The following DGKB variants were observed in gnomAD, a reference collection of about 807,000 sequenced individuals.
DGKB encodes the protein 90 kDa diacylglycerol kinase.
DGKB carries 67 observed loss-of-function variants against 114.3 expected under a neutral mutation model. That is an observed-to-expected ratio of 0.59 (90% confidence interval 0.48 to 0.72). The LOEUF (loss-of-function observed/expected upper bound fraction) is 0.72, where lower values mean the gene tolerates loss of function less well. DGKB is among the 30% of genes least tolerant of loss of function. The pLI is 0.00. For missense variants in DGKB, 907 were observed against 975.2 expected (o/e 0.93, Z 0.93); for synonymous variants, 398 against 323.1 (o/e 1.23, Z -2.49).
intron 2 of DGKB, among the ~76,000 whole-genome samples, chr7:14,761,035 T>A (rs1212709067): frequency 1.3e-5 from 2 of 152,184 alleles, no homozygotes; most frequent in Admixed American, 1.3e-4. Context: ...CTAGTTGATA[T>A]TCAGATGAAT....
chr7:14,452,781 T>G (rs1396703413), intron 21 of DGKB, among the ~76,000 whole-genome samples: 1 of 152,094 alleles, frequency 6.6e-6, no homozygotes, highest in Non-Finnish European at 1.5e-5. Flanking sequence ...TTTGGAAATT[T>G]TGTTATTGTG....
intron 1 of DGKB, among the ~76,000 whole-genome samples, chr7:14,962,534 A>G (rs1161668576): frequency 1.3e-5 from 2 of 151,856 alleles, no homozygotes; most frequent in East Asian, 1.9e-4. Context: ...CTTTCTTTTT[A>G]CTCATTCAAA....
chr7:14,729,051 T>A (rs1564031606), intron 5 of DGKB, among the ~76,000 whole-genome samples: 1 of 151,888 alleles, frequency 6.6e-6, no homozygotes, highest in South Asian at 2.1e-4. Flanking sequence ...TACCATCTGA[T>A]ATGGTACACG....
chr7:14,784,705 TTATC>T (rs1046428776), intron 2 of DGKB, among the ~76,000 whole-genome samples: 1 of 152,212 alleles, frequency 6.6e-6, no homozygotes, highest in Non-Finnish European at 1.5e-5. Flanking sequence ...AGGATTTTTG[TTATC>T]TATTTTTTAG....
intron 5 of DGKB, among the ~76,000 whole-genome samples, chr7:14,723,661 T>C (rs1173463605): frequency 6.6e-6 from 1 of 152,082 alleles, no homozygotes; most frequent in East Asian, 1.9e-4. Flanking sequence ...GTAAGCATTG[T>C]AATTAGAGCG....
At chr7:14,578,826 G>A (rs1483595006) in intron 19 of DGKB, among the ~76,000 whole-genome samples, 5 of 152,170 alleles carry the variant, frequency 3.3e-5, no homozygotes, top group Non-Finnish European at 7.3e-5. Context: ...GACTTTCGAA[G>A]CTTCACTTTG....
intron 24 of DGKB, among the ~76,000 whole-genome samples, 160 bp from the exon 25 acceptor site, chr7:14,177,059 A>G (rs912585136): frequency 3.9e-5 from 6 of 152,156 alleles, no homozygotes; most frequent in African/African-American, 1.4e-4. Flanking sequence ...ACTATTAATA[A>G]ATACCCTGAA....
intron 21 of DGKB, among the ~76,000 whole-genome samples, chr7:14,451,848 A>T (rs1368080927): frequency 1.3e-5 from 2 of 152,078 alleles, no homozygotes; most frequent in African/African-American, 4.8e-5. Flanking sequence ...TTCACCAGTA[A>T]GAGTGGCCAC....
intron 23 of DGKB, among the ~76,000 whole-genome samples, chr7:14,199,787 A>C (rs1380965646): frequency 6.6e-6 from 1 of 152,090 alleles, no homozygotes; most frequent in Non-Finnish European, 1.5e-5. Flanking sequence ...TTTCTGAAAT[A>C]AAAGGAGTAG....
At chr7:14,815,305 C>T (rs1843968284) in intron 2 of DGKB, 1 of 152,212 alleles carries the variant, frequency 6.6e-6, no homozygotes, top group South Asian at 2.1e-4. Context: ...GTGTCTCCAG[C>T]TCATCCTCTC....
intron 1 of DGKB, among the ~76,000 whole-genome samples, chr7:14,956,181 A>G (rs1305090462): frequency 6.6e-6 from 1 of 152,042 alleles, no homozygotes; most frequent in Non-Finnish European, 1.5e-5. Flanking sequence ...AGATTAGGAA[A>G]TTAAAGTAAC....
At chr7:14,349,487 A>G (rs949029008) in intron 21 of DGKB, among the ~76,000 whole-genome samples, 2 of 152,162 alleles carry the variant, frequency 1.3e-5, no homozygotes, top group Non-Finnish European at 2.9e-5. Context: ...GTGTGTTTCT[A>G]TCAGTTATCC....
In DGKB at chr7:14,678,326, G is replaced by A. The variant is rs186966762; in HGVS notation, c.1035+4227C>T. Among the ~76,000 whole-genome samples the A allele has an allele frequency of 1.4e-4, 22 of 152,152 alleles. No homozygotes were observed. The East Asian group carries it at 4.3e-3, about 29-fold the overall frequency. ...TGAGTTTTTCCTTTGGATGTGGAAT[G>A]TAAGTACAGAAACTATTCAGAATCA... is the stretch of plus-strand genomic sequence containing the variant. On this transcript the variant is annotated intron_variant, in intron 12 of 25. Coordinates refer to ENST00000402815, the MANE Select transcript of DGKB (RefSeq NM_001350709.2).
chr7:14,152,037 T>C (rs1782284566), intron 25 of DGKB, among the ~76,000 whole-genome samples: 1 of 152,046 alleles, frequency 6.6e-6, no homozygotes, highest in African/African-American at 2.4e-5. Flanking sequence ...GGGAAAATCC[T>C]GGTTACGGGG....
chr7:14,785,677 C>T (rs1839785434), intron 2 of DGKB, among the ~76,000 whole-genome samples: 5 of 152,094 alleles, frequency 3.3e-5, no homozygotes, highest in Admixed American at 3.3e-4. Context: ...TGTAAGCCTG[C>T]TCTGCCAAGC....
At chr7:14,909,647 G>A (rs1783885101) in intron 1 of DGKB, among the ~76,000 whole-genome samples, 1 of 152,048 alleles carries the variant, frequency 6.6e-6, no homozygotes, top group Non-Finnish European at 1.5e-5. Flanking sequence ...AGAATACATT[G>A]CATAATTAAA....
At chr7:14,674,034 A>G (rs1217991811) in intron 12 of DGKB, among the ~76,000 whole-genome samples, 1 of 152,120 alleles carries the variant, frequency 6.6e-6, no homozygotes, top group East Asian at 1.9e-4. Context: ...TCAACTAAGC[A>G]TAGGAGTCTA....
At chr7:14,856,618 T>C (rs1248251257) in intron 1 of DGKB, among the ~76,000 whole-genome samples, 1 of 152,208 alleles carries the variant, frequency 6.6e-6, no homozygotes, top group African/African-American at 2.4e-5. Flanking sequence ...CGTGGCTCTG[T>C]CTCATTGATG....
Position 14,556,112 on chromosome 7 carries a change from G to A in DGKB, c.1770+18100C>T, listed in dbSNP as rs560838754. 3.7e-4 allele frequency among the ~76,000 whole-genome samples: 57 copies of A among 152,126 alleles called. No homozygotes were observed. In the South Asian group the frequency reaches 8.7e-3, roughly 23 times the overall value. On this transcript the variant is annotated intron_variant, in intron 20 of 25. Coordinates refer to ENST00000402815, the MANE Select transcript of DGKB (RefSeq NM_001350709.2). ...GGGGTCTGGATTGGGACTCCTTTCCGGTAACAGGAATACAAGACAAATTCT... is the reference window on the plus strand; with the variant it reads ...GGGGTCTGGATTGGGACTCCTTTCCAGTAACAGGAATACAAGACAAATTCT...
Sources: allele counts gnomAD v4.1 joint callset (sites outside exome capture counted in the v4.1 genomes callset), GRCh38; gene constraint gnomAD v4.1.1; transcripts MANE v1.5; gene names NCBI Gene and HGNC (gene_info 2026-07-23, HGNC 2026-07-21).